Variants in LHFPL2 observed in about 807,000 individuals in gnomAD.
LHFPL2 encodes the protein LHFPL tetraspan subfamily member 2, also known as LHFPL tetraspan subfamily member 2 protein.
In LHFPL2, 7 loss-of-function variants were observed where a neutral mutation model predicts 17.5. The ratio of observed to expected loss-of-function variants is 0.40; its 90% CI spans 0.23 to 0.75. The LOEUF is 0.75. Among genes scored for constraint, LHFPL2 ranks in the 30% least tolerant of loss-of-function variants. LHFPL2 has a pLI of 0.37. For synonymous variants in LHFPL2, 134 were observed against 116.2 expected, an observed-to-expected ratio of 1.15 and a Z score of -0.99; for missense variants, 241 against 294.8, an observed-to-expected ratio of 0.82 and a Z score of 1.34.
intron 4 of LHFPL2, among the ~76,000 whole-genome samples, chr5:78,489,442 G>A (rs947398431): frequency 1.3e-5 from 2 of 152,182 alleles, no homozygotes; most frequent in African/African-American, 4.8e-5. Context: ...GTCTCAATCT[G>A]TTGCCCAGGC....
chr5:78,576,188 C>G (rs372170897), intron 2 of LHFPL2, among the ~76,000 whole-genome samples: 9 of 151,702 alleles, frequency 5.9e-5, no homozygotes, highest in East Asian at 1.9e-4. Flanking sequence ...CCAGCTACTC[C>G]GGAGGCTGAG....
intron 3 of LHFPL2, among the ~76,000 whole-genome samples, chr5:78,551,824 T>C (rs1756450609): frequency 6.6e-6 from 1 of 152,244 alleles, no homozygotes; most frequent in South Asian, 2.1e-4. Context: ...CTACCTTTTT[T>C]GACTGTAGGT....
chr5:78,598,721 A>T (rs1259993280), intron 2 of LHFPL2, among the ~76,000 whole-genome samples: 1 of 152,124 alleles, frequency 6.6e-6, no homozygotes, highest in African/African-American at 2.4e-5. Flanking sequence ...AATAGATCTC[A>T]TGTTTCCTTC....
intron 2 of LHFPL2, among the ~76,000 whole-genome samples, chr5:78,565,844 T>C (rs572625484): frequency 6.6e-6 from 1 of 152,332 alleles, no homozygotes; most frequent in Admixed American, 6.5e-5. Context: ...TCACCTCCCC[T>C]GATAGAAACC....
intron 3 of LHFPL2, among the ~76,000 whole-genome samples, chr5:78,559,713 G>A (rs113578818): frequency 1.3e-5 from 2 of 152,262 alleles, no homozygotes; most frequent in African/African-American, 4.8e-5. Flanking sequence ...AAGGGAGAAG[G>A]TTGTTACACT....
At chr5:78,638,615 C>A (rs1341364612) in intron 1 of LHFPL2, among the ~76,000 whole-genome samples, 1 of 152,176 alleles carries the variant, frequency 6.6e-6, no homozygotes, top group Non-Finnish European at 1.5e-5. Context: ...GGCACAGACT[C>A]CAACCCTCTG....
chr5:78,540,003 C>A (rs1756061507), intron 3 of LHFPL2, among the ~76,000 whole-genome samples: 1 of 152,206 alleles, frequency 6.6e-6, no homozygotes, highest in Non-Finnish European at 1.5e-5. Flanking sequence ...GTATGAGTCT[C>A]TACAAGAATT....
At chr5:78,626,931 A>T (rs1463444543) in intron 2 of LHFPL2, among the ~76,000 whole-genome samples, 1 of 151,888 alleles carries the variant, frequency 6.6e-6, no homozygotes, top group African/African-American at 2.4e-5. Flanking sequence ...AAATACAAAA[A>T]TTGGCCGGGC....
chr5:78,537,798 G>T (rs907798958), intron 3 of LHFPL2, among the ~76,000 whole-genome samples: 2 of 152,214 alleles, frequency 1.3e-5, no homozygotes, highest in East Asian at 3.8e-4. Flanking sequence ...CTTCCCAGAT[G>T]ATAGAGGTAT....
intron 2 of LHFPL2, among the ~76,000 whole-genome samples, chr5:78,580,264 G>T (rs939621940): frequency 1.3e-5 from 2 of 152,126 alleles, no homozygotes; most frequent in African/African-American, 4.8e-5. Context: ...CAGATGAGTA[G>T]GTTGCAAAAA....
rs139999478 is a variant in LHFPL2 at position 78,612,888 on chromosome 5, T to C, written c.-245+19376A>G. On this transcript the variant is annotated intron_variant, in intron 2 of 4. Transcript: ENST00000380345. ...TGAATTAAGGCTGAGCCAAGCTTCATAATGCATTAATGATGGTCCCCTAAT... is the reference window on the plus strand; with the variant it reads ...TGAATTAAGGCTGAGCCAAGCTTCACAATGCATTAATGATGGTCCCCTAAT... Among the ~76,000 whole-genome samples, 303 of 152,356 alleles carry C rather than the reference T, an allele frequency of 2.0e-3. 1 individual carries two copies. Among genetic ancestry groups the C allele is most frequent in the African/African-American group, 6.8e-3 (282 of 41,590 alleles).
At chr5:78,544,899 T>C (rs1192705268) in intron 3 of LHFPL2, among the ~76,000 whole-genome samples, 2 of 152,226 alleles carry the variant, frequency 1.3e-5, no homozygotes, top group African/African-American at 2.4e-5. Context: ...TTCTTGTCTT[T>C]TCTTTTTTTA....
intron 1 of LHFPL2, among the ~76,000 whole-genome samples, chr5:78,642,609 G>T (rs1202383473): frequency 2.6e-5 from 4 of 152,168 alleles, no homozygotes; most frequent in African/African-American, 9.7e-5. Context: ...CCAAGCAAGA[G>T]AGGGAGGCCT....
chr5:78,580,052 G>A (rs1312093157), intron 2 of LHFPL2, among the ~76,000 whole-genome samples: 2 of 152,192 alleles, frequency 1.3e-5, no homozygotes, highest in Non-Finnish European at 2.9e-5. Flanking sequence ...TAACTGGTAT[G>A]AGATGGTATC....
intron 2 of LHFPL2, among the ~76,000 whole-genome samples, chr5:78,601,274 C>T (rs766712665): frequency 2.0e-5 from 3 of 152,098 alleles, no homozygotes; most frequent in Non-Finnish European, 4.4e-5. Flanking sequence ...CATCTTTTCT[C>T]GAAGGGATGA....
At chr5:78,606,918 C>G (rs1042595222) in intron 2 of LHFPL2, among the ~76,000 whole-genome samples, 2 of 151,566 alleles carry the variant, frequency 1.3e-5, no homozygotes, top group African/African-American at 4.9e-5. Context: ...CTCAAGTGAT[C>G]CACCCGCCTT....
chr5:78,507,977 T>C (rs1035129221), intron 4 of LHFPL2, among the ~76,000 whole-genome samples: 2 of 137,748 alleles, frequency 1.5e-5, no homozygotes, highest in East Asian at 2.2e-4. Context: ...CACACACACA[T>C]GCCCCTGAGG....
intron 3 of LHFPL2, among the ~76,000 whole-genome samples, chr5:78,516,130 A>AG (rs146351424): frequency 1.8e-3 from 277 of 152,342 alleles, no homozygotes; most frequent in Non-Finnish European, 3.1e-3. Context: ...AATGTACCAA[A>AG]GGAGGTTTTG....
At chr5:78,516,693 AT>A (rs1469854235) in intron 3 of LHFPL2, among the ~76,000 whole-genome samples, 1 of 152,134 alleles carries the variant, frequency 6.6e-6, no homozygotes, top group African/African-American at 2.4e-5. Flanking sequence ...AATTAAATAT[AT>A]TTTTAGTTGT....
Sources: allele counts gnomAD v4.1 joint callset (sites outside exome capture counted in the v4.1 genomes callset), GRCh38; gene constraint gnomAD v4.1.1; transcripts MANE v1.5; gene names NCBI Gene and HGNC (gene_info 2026-07-23, HGNC 2026-07-21).